PIGN: variants seen among roughly 807,000 people sequenced by gnomAD.
PIGN encodes phosphatidylinositol glycan anchor biosynthesis class N, also known as GPI ethanolamine phosphate transferase 1.
Under a neutral mutation model 125.4 loss-of-function variants are expected in PIGN, and 117 were observed. The observed-to-expected ratio is 0.93, with a 90% CI of 0.80 to 1.09. The LOEUF (loss-of-function observed/expected upper bound fraction) is 1.09, where lower values mean the gene tolerates loss of function less well. PIGN is among the 50% of genes least tolerant of loss of function. PIGN has a pLI of 0.00. For missense variants in PIGN, 1,075 were observed against 1,094.9 expected (o/e 0.98, Z 0.26); for synonymous variants, 392 against 377.8 (o/e 1.04, Z -0.44).
rs553626062 is a variant in PIGN at position 62,146,666 on chromosome 18, C to A, written c.805+305G>T. ...CGGTCCCTCAGTAACACCATCTTAA[C>A]GTCACTCCCTTTGCCATCATATACA... On this transcript the variant is annotated intron_variant, in intron 9 of 30. Transcript: ENST00000640252. Among the ~76,000 whole-genome samples, 16 of 152,276 alleles carry A rather than the reference C, an allele frequency of 1.1e-4. No individual in the cohort carries two copies. In the South Asian group the frequency reaches 3.1e-3, roughly 30 times the overall value.
chr18:62,106,787 A>G lies in PIGN; in HGVS notation c.1767+2T>C, dbSNP rs769906843. On this transcript the variant is annotated splice_donor_variant, in intron 19 of 30. Transcript: ENST00000640252. LOFTEE classifies it high-confidence loss of function. ...GTCCTATGTCAAAATGAGTACTCAT[A>G]CCTTTGCTCGAGTCCACAGCCGAGT... The G allele has an allele frequency of 6.3e-7, 1 of 1,595,690 alleles. No homozygotes were observed. The highest frequency in any genetic ancestry group is 1.1e-5 in the South Asian group (1 of 88,460).
At chr18:62,064,517 C>T (rs536802543) in intron 30 of PIGN, among the ~76,000 whole-genome samples, 1 of 152,284 alleles carries the variant, frequency 6.6e-6, no homozygotes, top group South Asian at 2.1e-4. Flanking sequence ...ATTTATTAAA[C>T]ACATACACAA....
Position 62,106,790 on chromosome 18 carries a change from T to C in PIGN, c.1766A>G (p.Lys589Arg), listed in dbSNP as rs775932562. The stretch of plus-strand genomic sequence containing the variant: ...CTATGTCAAAATGAGTACTCATACC[T>C]TTGCTCGAGTCCACAGCCGAGTGAG... ...PFLTRLWTRA[K>R]MTSLSWTFFS... Residue 589 changes from lysine to arginine, a missense_variant and splice_region_variant, in exon 19 of 31, where the codon AAG (lysine) becomes AGG (arginine). By Grantham distance (26) the Lys-to-Arg change is conservative. Around this residue, in one of 3 missense-constraint regions of PIGN, gnomAD observed 915 missense variants for 908.7 expected, o/e 1.01. Coordinates refer to ENST00000640252, the MANE Select transcript of PIGN (RefSeq NM_176787.5). 2.4e-5 allele frequency: 39 copies of C among 1,599,504 alleles called. No individual in the cohort carries two copies. The Middle Eastern group carries it at 8.2e-4, about 34-fold the overall frequency.
At chr18:62,119,150 C>A (rs73458707) in intron 14 of PIGN, among the ~76,000 whole-genome samples, 1,786 of 152,186 alleles carry the variant, frequency 0.012, 18 homozygotes, top group Middle Eastern at 0.061. Context: ...TTGAGTCAGC[C>A]ACTACTCTTT....
intron 1 of PIGN, among the ~76,000 whole-genome samples, chr18:62,183,838 T>TA (rs779226558): frequency 8.9e-4 from 120 of 134,598 alleles, no homozygotes; most frequent in Non-Finnish European, 1.5e-3. Context: ...AGACTGAAAA[T>TA]ACTTTAAAAA....
intron 1 of PIGN, among the ~76,000 whole-genome samples, chr18:62,172,493 G>A (rs1007502447): frequency 2.0e-4 from 31 of 151,984 alleles, no homozygotes; most frequent in African/African-American, 5.6e-4. Context: ...ACTCTAATAT[G>A]TACTTACACA....
At chr18:62,077,424 C>G (rs1599465234) in intron 28 of PIGN, among the ~76,000 whole-genome samples, 1 of 152,052 alleles carries the variant, frequency 6.6e-6, no homozygotes, top group African/African-American at 2.4e-5. Context: ...CTTTACATAC[C>G]TTTTTTAAAA....
chr18:62,138,446 T>C (rs2036014595), intron 13 of PIGN, 148 bp from the exon 14 acceptor site: 3 of 1,215,956 alleles, frequency 2.5e-6, no homozygotes, highest in Admixed American at 3.4e-5. Context: ...TTCATAAATA[T>C]TTAAAGAAAA....
chr18:62,058,273 A>G (rs982671136), intron 30 of PIGN, among the ~76,000 whole-genome samples: 1 of 152,256 alleles, frequency 6.6e-6, no homozygotes, highest in African/African-American at 2.4e-5. Flanking sequence ...TGTAACATTT[A>G]TATATTAATT....
At chr18:62,118,452 A>G (rs1490075034) in intron 14 of PIGN, 1 of 152,076 alleles carries the variant, frequency 6.6e-6, no homozygotes, top group Non-Finnish European at 1.5e-5. Flanking sequence ...AGAGAAGGAA[A>G]CCACAGGGAA....
intron 23 of PIGN, among the ~76,000 whole-genome samples, chr18:62,092,868 A>G (rs2034026021): frequency 6.6e-6 from 1 of 152,114 alleles, no homozygotes; most frequent in African/African-American, 2.4e-5. Context: ...CATTGATGGC[A>G]CTAACTCAGC....
intron 1 of PIGN, among the ~76,000 whole-genome samples, chr18:62,168,151 T>C (rs1180940969): frequency 6.6e-6 from 1 of 151,954 alleles, no homozygotes; most frequent in East Asian, 1.9e-4. Flanking sequence ...GCCATTGCAC[T>C]CTAGCCTGGA....
chr18:62,119,279 A>G (rs1463824299), intron 14 of PIGN, among the ~76,000 whole-genome samples: 1 of 152,206 alleles, frequency 6.6e-6, no homozygotes, highest in Non-Finnish European at 1.5e-5. Context: ...CTTAACAAAC[A>G]AGACCAATTG....
intron 1 of PIGN, among the ~76,000 whole-genome samples, chr18:62,181,875 C>T (rs945246711): frequency 1.3e-5 from 2 of 152,064 alleles, no homozygotes; most frequent in Non-Finnish European, 2.9e-5. Context: ...TACAGGCACA[C>T]AGCATCATGC....
At chr18:62,171,292 T>C (rs371247848) in intron 1 of PIGN, among the ~76,000 whole-genome samples, 2 of 152,330 alleles carry the variant, frequency 1.3e-5, no homozygotes, top group Admixed American at 6.5e-5. Context: ...TTCTCCTTGT[T>C]AATTCTTAAA....
At chr18:62,048,217 C>T (rs972616347) in intron 30 of PIGN, among the ~76,000 whole-genome samples, 2 of 151,956 alleles carry the variant, frequency 1.3e-5, no homozygotes, top group African/African-American at 4.8e-5. Context: ...TGGACTGTGA[C>T]AAAAGATCTA....
intron 30 of PIGN, among the ~76,000 whole-genome samples, chr18:62,070,990 G>A (rs558250929): frequency 1.3e-5 from 2 of 151,282 alleles, no homozygotes; most frequent in Non-Finnish European, 2.9e-5. Flanking sequence ...TTTGCTTTTT[G>A]TAGAAACAGG....
chr18:62,113,035 CT>C, intron 16 of PIGN, 98 bp downstream of exon 16: 1 of 860,290 alleles, frequency 1.2e-6, no homozygotes, highest in Non-Finnish European at 1.8e-6. Flanking sequence ...CAAGAGTTAG[CT>C]TAGAACAATG....
intron 14 of PIGN, among the ~76,000 whole-genome samples, chr18:62,127,434 G>A (rs940656543): frequency 5.9e-5 from 9 of 151,642 alleles, no homozygotes; most frequent in African/African-American, 1.9e-4. Context: ...TATTGAATGC[G>A]TATAGCTTTC....
Sources: allele counts gnomAD v4.1 joint callset (sites outside exome capture counted in the v4.1 genomes callset), GRCh38; gene constraint gnomAD v4.1.1; regional missense constraint gnomAD v4.1.1; transcripts MANE v1.5; gene names NCBI Gene and HGNC (gene_info 2026-07-23, HGNC 2026-07-21).